RBM26: variants seen among roughly 807,000 people sequenced by gnomAD.
RBM26 encodes the protein RNA binding motif protein 26, also known as RNA-binding protein 26.
A neutral mutation model predicts 123.6 loss-of-function variants in RBM26; 30 were observed. That is an observed-to-expected ratio of 0.24 (90% CI 0.18 to 0.33). The LOEUF is 0.33. RBM26 is among the 10% of genes least tolerant of loss of function. The probability of loss-of-function intolerance (pLI) is 1.00; values close to 1 mark genes in which losing one functional copy is unlikely to be tolerated. For missense variants in RBM26, 947 were observed against 1,203.6 expected (o/e 0.79, Z 3.15); for synonymous variants, 400 against 404.4 (o/e 0.99, Z 0.13).
intron 1 of RBM26, among the ~76,000 whole-genome samples, chr13:79,382,949 G>C (rs554331556): frequency 6.6e-6 from 1 of 152,400 alleles, no homozygotes; most frequent in South Asian, 2.1e-4. Context: ...ATGTCAGAGA[G>C]AACTTGGTAA....
intron 1 of RBM26, among the ~76,000 whole-genome samples, chr13:79,402,027 A>AG (rs1461665584): frequency 1.4e-5 from 2 of 144,848 alleles, no homozygotes; most frequent in African/African-American, 5.5e-5. Context: ...CTCTTCAGGA[A>AG]AAAAAAAAAA....
Position 79,341,210 on chromosome 13 carries a change from A to G in RBM26, c.2445T>C (p.Leu815=), listed in dbSNP as rs763543777. The G allele has an allele frequency of 4.6e-5, 74 of 1,605,826 alleles. No individual in the cohort carries two copies. Among genetic ancestry groups the G allele is most frequent in the Non-Finnish European group, 5.8e-5 (68 of 1,174,368 alleles). Residue 815 remains leucine (L), a synonymous_variant, in exon 18 of 22, where the codon CTT becomes CTC. Transcript: ENST00000438737. ...KTKTQMQKEL[L]DTELDLYKKM... ...TCTTATATAAATCCAGTTCTGTGTC[A>G]AGTAATTCCTTCTGCATCTAAAAAA...
rs561587209 is a variant in RBM26 at position 79,397,680 on chromosome 13, CAAAAAAAAAAA to C, written c.71+8013_71+8023del. ...CTGGGCAACAAACCAGACTCCATCT[CAAAAAAAAAAA>C]AAAAAAAAAAAAGAAATGAAGGTAT... is the stretch of plus-strand genomic sequence containing the variant. On this transcript the variant is annotated intron_variant, in intron 1 of 21. Coordinates refer to ENST00000438737, the MANE Select transcript of RBM26 (RefSeq NM_001366735.2). Among the ~76,000 whole-genome samples, 119 of 63,268 alleles carry C rather than the reference CAAAAAAAAAAA, an allele frequency of 1.9e-3. 5 individuals carry two copies. The East Asian group carries it at 0.032, about 17-fold the overall frequency. The allele number at this position is 63,268 out of a possible 152,430, so 41.5% of individuals were successfully genotyped here.
At chr13:79,311,852 A>C (rs2066907255) in exon 5 of RBM26, 1 of 152,096 alleles carries the variant, frequency 6.6e-6, no homozygotes, top group Non-Finnish European at 1.5e-5. Context: ...TTTTATTTTA[A>C]AAATTTTCAA....
In RBM26 at chr13:79,354,474, C is replaced by A; in HGVS notation, c.1951G>T (p.Ala651Ser). 2 of 1,599,856 alleles carry A rather than the reference C, an allele frequency of 1.3e-6. No homozygotes were observed. Among genetic ancestry groups the A allele is most frequent in the Non-Finnish European group, 1.7e-6 (2 of 1,170,566 alleles). Residue 651 changes from alanine (A) to serine (S), a missense_variant, in exon 13 of 22, where the codon GCA (alanine) becomes TCA (serine). Physicochemically the swap from Ala to Ser is moderately conservative, Grantham distance 99 (BLOSUM62 1). Transcript: ENST00000438737. ...TCTGAAGAGGCACTCTGGGCTTCTGCAGGTTCAATAGTACTTGAAGGTACT... is the reference window on the plus strand; with the variant it reads ...TCTGAAGAGGCACTCTGGGCTTCTGAAGGTTCAATAGTACTTGAAGGTACT... ...GPVPSSTIEP[A>S]EAQSASSDLP...
rs1594302007 is a variant in RBM26 at position 79,359,667 on chromosome 13, G to A, written c.1437C>T (p.Ser479=). The A allele has an allele frequency of 5.1e-6, 8 of 1,557,326 alleles. No individual in the cohort carries two copies. In the East Asian group the frequency reaches 1.6e-4, roughly 32 times the overall value. ...LPPREKPPNK[S]SMRIVVDSES... ...CTGAGTCCACTACTATCCTCATACT[G>A]CTTTTATTGGGAGGCTTTTCTGTTT... is the stretch of plus-strand genomic sequence containing the variant. Residue 479 remains serine, a synonymous_variant, in exon 10 of 22, where the codon AGC becomes AGT. Coordinates refer to ENST00000438737, the MANE Select transcript of RBM26 (RefSeq NM_001366735.2).
chr13:79,370,916 T>C (rs1309395093), intron 5 of RBM26, 29 bp downstream of exon 5: 3 of 1,576,150 alleles, frequency 1.9e-6, no homozygotes, highest in Admixed American at 3.6e-5. Flanking sequence ...GAGTTTTTCA[T>C]AAAAAGATAA....
At chr13:79,361,680 G>C (rs1241945008) in intron 9 of RBM26, among the ~76,000 whole-genome samples, 1 of 152,044 alleles carries the variant, frequency 6.6e-6, no homozygotes, top group Non-Finnish European at 1.5e-5. Flanking sequence ...GGGTTTTTAG[G>C]AATCCCCACT....
chr13:79,314,466 T>C (rs530087496), downstream of RBM26: 56 of 152,024 alleles, frequency 3.7e-4, 1 homozygote, highest in African/African-American at 1.3e-3. Flanking sequence ...CACAAGCTAT[T>C]ACAGTACATA....
At chr13:79,380,444 GATGATAGT>G (rs1299009693) in intron 1 of RBM26, among the ~76,000 whole-genome samples, 3 of 151,590 alleles carry the variant, frequency 2.0e-5, no homozygotes, top group African/African-American at 7.3e-5. Flanking sequence ...ATCTGGACAG[GATGATAGT>G]ATGAACTAAG....
At position 79,369,097 on chromosome 13, in the gene RBM26, A is replaced by G. The variant is rs529023031; in HGVS notation, c.635-107T>C. On this transcript the variant is annotated intron_variant, in intron 5 of 21. Coordinates refer to ENST00000438737, the MANE Select transcript of RBM26 (RefSeq NM_001366735.2). ...TTATAAACATAGAAAAAAAATTTTA[A>G]ATTTTGCATAATAATCATTTTCTTT... The G allele has an allele frequency of 1.3e-5, 8 of 605,876 alleles. No homozygotes were observed. In the Admixed American group the frequency reaches 2.2e-4, roughly 17 times the overall value. The allele number at this position is 605,876 out of a possible 1,614,324, so 37.5% of individuals were successfully genotyped here.
At chr13:79,336,976 T>C (rs2070524099) in intron 19 of RBM26, 126 bp downstream of exon 19, 2 of 874,742 alleles carry the variant, frequency 2.3e-6, no homozygotes, top group South Asian at 1.7e-5. Context: ...AATTAAAGAT[T>C]AAACTCTTTG....
chr13:79,376,844 G>A (rs1355605480), intron 3 of RBM26: 1 of 152,554 alleles, frequency 6.6e-6, no homozygotes. Flanking sequence ...GCTGGCTCCT[G>A]GGCACTTTGA....
intron 1 of RBM26, among the ~76,000 whole-genome samples, chr13:79,379,195 T>A (rs948012584): frequency 6.6e-6 from 1 of 151,926 alleles, no homozygotes; most frequent in East Asian, 1.9e-4. Flanking sequence ...TCAGATTTTA[T>A]AAAAGTGGCA....
Position 79,365,736 on chromosome 13 carries a change from G to A in RBM26, c.1277-18C>T. The A allele has an allele frequency of 6.3e-7, 1 of 1,598,018 alleles. No individual in the cohort carries two copies. Among genetic ancestry groups the A allele is most frequent in the South Asian group, 1.2e-5 (1 of 86,900 alleles). ...ATATGTATCTGGTAATACAAAAACT[G>A]TAATTAAAAAACAATTATAAAACTC... On this transcript the variant is annotated intron_variant, in intron 8 of 21. Transcript: ENST00000438737.
At chr13:79,359,726 G>C in intron 9 of RBM26, 40 bp from the exon 10 acceptor site, 1 of 1,158,176 alleles carries the variant, frequency 8.6e-7, no homozygotes, top group Non-Finnish European at 1.2e-6. Context: ...ATAAGCATAG[G>C]TTAATATTTT....
chr13:79,367,406 C>CAAA lies in RBM26; in HGVS notation c.896-537_896-535dup, dbSNP rs776345304. ...TGGGGTATAGGGGGAGACTCCATCTCAAAAAAAAAAAAAAAAAAAAAAAAA... is the reference window on the plus strand; with the variant it reads ...TGGGGTATAGGGGGAGACTCCATCTCAAAAAAAAAAAAAAAAAAAAAAAAAAAA... On this transcript the variant is annotated intron_variant, in intron 6 of 21. Transcript: ENST00000438737. Among the ~76,000 whole-genome samples the CAAA allele has an allele frequency of 3.1e-3, 123 of 39,646 alleles. 3 individuals are homozygous for CAAA. The highest frequency in any genetic ancestry group is 5.8e-3 in the African/African-American group (97 of 16,716). 26.0% of individuals were successfully genotyped at this position (39,646 alleles called of 152,430 possible). A position where few individuals can be genotyped will look rare whatever the true frequency, so the allele number is the denominator to read the frequency against.
rs1593862875 is a variant in RBM26 at position 79,320,717 on chromosome 13, G to A, written c.2935-7C>T. 1.4e-6 allele frequency: 2 copies of A among 1,457,454 alleles called. No homozygotes were observed. Among genetic ancestry groups the A allele is most frequent in the Non-Finnish European group, 1.8e-6 (2 of 1,094,472 alleles). The allele number at this position is 1,457,454 out of a possible 1,614,324, so 90.3% of individuals were successfully genotyped here. A position where few individuals can be genotyped will look rare whatever the true frequency, so the allele number is the denominator to read the frequency against. ...CCAAAGACTCTTCCTGAAACTTTAG[G>A]TTAAAATGTATTTAGGAATTTACCC... On this transcript the variant is annotated splice_polypyrimidine_tract_variant and splice_region_variant and intron_variant, in intron 21 of 21. Coordinates refer to ENST00000438737, the MANE Select transcript of RBM26 (RefSeq NM_001366735.2).
chr13:79,395,410 C>T (rs2078468102), intron 1 of RBM26, among the ~76,000 whole-genome samples: 1 of 152,020 alleles, frequency 6.6e-6, no homozygotes, highest in African/African-American at 2.4e-5. Context: ...TCAGAAATAA[C>T]TCTCCTTCGC....
Sources: gnomAD v4.1 joint callset for allele counts (sites outside exome capture counted in the v4.1 genomes callset) on GRCh38, gnomAD v4.1.1 for gene constraint, MANE v1.5 for transcripts, NCBI Gene and HGNC (gene_info 2026-07-23, HGNC 2026-07-21) for gene names.